The following PLAG1 variants were observed in gnomAD, a reference collection of about 807,000 sequenced individuals.
PLAG1 encodes the protein PLAG1 zinc finger.
PLAG1 carries 7 observed loss-of-function variants against 35.5 expected under a neutral mutation model. That is an observed-to-expected ratio of 0.20 (90% CI 0.11 to 0.37). The LOEUF (loss-of-function observed/expected upper bound fraction) is 0.37. Among genes scored for constraint, PLAG1 ranks in the 10% least tolerant of loss-of-function variants. The pLI is 1.00. For missense variants in PLAG1, 454 were observed against 602.8 expected, an observed-to-expected ratio of 0.75 and a Z score of 2.58; for synonymous variants, 229 against 225.4, an observed-to-expected ratio of 1.02 and a Z score of -0.14.
At chr8:56,179,012 C>T (rs1811788951) in intron 2 of PLAG1, among the ~76,000 whole-genome samples, 1 of 137,138 alleles carries the variant, frequency 7.3e-6, no homozygotes, top group African/African-American at 2.8e-5. Context: ...AATAGGATCC[C>T]GCCCAGGAGA....
At chr8:56,176,046 CTT>C (rs1309523141) in intron 2 of PLAG1, among the ~76,000 whole-genome samples, 16 of 130,056 alleles carry the variant, frequency 1.2e-4, no homozygotes, top group Admixed American at 2.3e-4. Context: ...TTTTCCTTTT[CTT>C]TTTTTTTTTT....
intron 3 of PLAG1, among the ~76,000 whole-genome samples, chr8:56,169,862 G>T (rs1811467986): frequency 6.6e-6 from 1 of 152,150 alleles, no homozygotes; most frequent in Admixed American, 6.5e-5. Context: ...ACTTTTAAGA[G>T]ACCATAGAAA....
At position 56,163,305 on chromosome 8, in the gene PLAG1, T is replaced by C. The variant is rs1272305963; in HGVS notation, c.*2938A>G. On this transcript the variant is annotated 3_prime_UTR_variant, in exon 5 of 5. Coordinates refer to ENST00000316981, the MANE Select transcript of PLAG1 (RefSeq NM_002655.3). Reference sequence around the variant, plus strand: ...TGGCCACTAGAGAATGAAAACAGCATTGGCAATACTTATTTTTAATCATAT... The same window carrying C: ...TGGCCACTAGAGAATGAAAACAGCACTGGCAATACTTATTTTTAATCATAT... The C allele has an allele frequency of 1.1e-5, 2 of 180,468 alleles. No homozygotes were observed. The highest frequency in any genetic ancestry group is 5.0e-5 in the African/African-American group (2 of 40,220). The allele number at this position is 180,468 out of a possible 1,614,324, so 11.2% of individuals were successfully genotyped here. A position where few individuals can be genotyped will look rare whatever the true frequency, so the allele number is the denominator to read the frequency against.
rs1376874760 is a variant in PLAG1, at chr8:56,167,779, CTTG to C, written c.242+246_242+248del. On this transcript the variant is annotated intron_variant, in intron 4 of 4. Coordinates refer to ENST00000316981, the MANE Select transcript of PLAG1 (RefSeq NM_002655.3). This position sits in a 1 kb window ranked among gnomAD's most constrained non-coding sequence, Gnocchi z 5.9. ...CTCACGTAAACGTCCTTACCCTTTT[CTTG>C]TTGTAATTTCTTTCTACAAATGGAA... Among the ~76,000 whole-genome samples the C allele has an allele frequency of 2.0e-5, 3 of 152,174 alleles. No individual in the cohort carries two copies. The highest frequency in any genetic ancestry group is 4.4e-5 in the Non-Finnish European group (3 of 68,022).
chr8:56,209,331 A>ATGTGT (rs1328024531), intron 1 of PLAG1: 2 of 152,250 alleles, frequency 1.3e-5, no homozygotes, highest in Non-Finnish European at 2.9e-5. Flanking sequence ...TTTGGATACA[A>ATGTGT]ACTATACACA....
chr8:56,171,127 T>C lies in PLAG1; in HGVS notation c.-154A>G, dbSNP rs1477713928. On this transcript the variant is annotated 5_prime_UTR_variant, in exon 3 of 5. The change abolishes the stop of an existing upstream ORF in the 5' untranslated region. Transcript: ENST00000316981. ...TGGAAAAAGCCTCAGACTTTGATCT[T>C]AGCCAGTCCCATTGACTCTTCGTGG... 6 of 981,806 alleles carry C rather than the reference T, an allele frequency of 6.1e-6. No homozygotes were observed. The highest frequency in any genetic ancestry group is 7.3e-6 in the Non-Finnish European group (6 of 826,270). The allele number at this position is 981,806 out of a possible 1,614,324, so 60.8% of individuals were successfully genotyped here.
At chr8:56,177,682 A>G (rs1563379138) in intron 2 of PLAG1, among the ~76,000 whole-genome samples, 1 of 152,194 alleles carries the variant, frequency 6.6e-6, no homozygotes, top group African/African-American at 2.4e-5. Flanking sequence ...CAGACATTTG[A>G]TAGACATTTG....
intron 1 of PLAG1, among the ~76,000 whole-genome samples, chr8:56,193,728 C>A (rs567513036): frequency 1.2e-4 from 17 of 140,228 alleles, no homozygotes; most frequent in African/African-American, 4.6e-4. Context: ...GACGGAGTCT[C>A]ACTCTGTCGC....
chr8:56,169,958 G>T (rs1300935246), intron 3 of PLAG1, among the ~76,000 whole-genome samples: 1 of 152,322 alleles, frequency 6.6e-6, no homozygotes, highest in Middle Eastern at 3.4e-3. Context: ...GCTGTCCCAA[G>T]CTACTACCAA....
chr8:56,200,108 G>A (rs1455577299), intron 1 of PLAG1, among the ~76,000 whole-genome samples: 7 of 152,058 alleles, frequency 4.6e-5, no homozygotes, highest in African/African-American at 1.7e-4. Flanking sequence ...AGAAGAATGG[G>A]GCACGTGCTG....
At chr8:56,199,175 G>C (rs1441643611) in intron 1 of PLAG1, among the ~76,000 whole-genome samples, 1 of 152,128 alleles carries the variant, frequency 6.6e-6, no homozygotes, top group African/African-American at 2.4e-5. Flanking sequence ...CTGGTGGTTG[G>C]GGGGACAGGT....
chr8:56,175,545 CTAAAGT>C (rs1383428400), intron 2 of PLAG1, among the ~76,000 whole-genome samples: 1 of 152,162 alleles, frequency 6.6e-6, no homozygotes, highest in Non-Finnish European at 1.5e-5. Context: ...TCATAGTTAA[CTAAAGT>C]TAATCAAAAA....
At chr8:56,199,734 C>A (rs186291153) in intron 1 of PLAG1, among the ~76,000 whole-genome samples, 3 of 152,184 alleles carry the variant, frequency 2.0e-5, no homozygotes, top group East Asian at 1.9e-4. Context: ...CACCACCCCC[C>A]CCGATCCTCC....
chr8:56,171,901 T>C (rs1339251748), intron 2 of PLAG1, among the ~76,000 whole-genome samples: 3 of 152,216 alleles, frequency 2.0e-5, no homozygotes, highest in African/African-American at 7.2e-5. Flanking sequence ...ATCAGTAGTA[T>C]GATCATTAGT....
intron 1 of PLAG1, among the ~76,000 whole-genome samples, chr8:56,206,330 A>T (rs1159845706): frequency 6.6e-6 from 1 of 152,064 alleles, no homozygotes; most frequent in Non-Finnish European, 1.5e-5. Context: ...TACATTTCTT[A>T]CAACTTCAAA....
At chr8:56,176,044 T>C (rs1031168151) in intron 2 of PLAG1, among the ~76,000 whole-genome samples, 1 of 142,884 alleles carries the variant, frequency 7.0e-6, no homozygotes, top group African/African-American at 2.7e-5. Context: ...CCTTTTCCTT[T>C]TCTTTTTTTT....
rs965385905 is a variant in PLAG1, at chr8:56,179,453, A to G, written c.-261T>C. ...TCTAGCAAGGCAACCTTATTAATAG[A>G]CCGTCACAGAATGAAGCATTCTGGG... On this transcript the variant is annotated 5_prime_UTR_variant, in exon 2 of 5. Transcript: ENST00000316981. The G allele has an allele frequency of 2.0e-6, 2 of 978,192 alleles. No homozygotes were observed. The highest frequency in any genetic ancestry group is 2.4e-6 in the Non-Finnish European group (2 of 823,046). The allele number at this position is 978,192 out of a possible 1,614,324, so 60.6% of individuals were successfully genotyped here. A position where few individuals can be genotyped will look rare whatever the true frequency, so the allele number is the denominator to read the frequency against.
At chr8:56,198,818 C>T (rs1162974112) in intron 1 of PLAG1, among the ~76,000 whole-genome samples, 1 of 152,230 alleles carries the variant, frequency 6.6e-6, no homozygotes, top group Non-Finnish European at 1.5e-5. Flanking sequence ...TTCCTTCATG[C>T]TGCCTACTGC....
In PLAG1 at chr8:56,175,724, TTGAGAAG is replaced by T. The variant is rs1315646238; in HGVS notation, c.-217+3678_-217+3684del. Among the ~76,000 whole-genome samples, 5 of 152,268 alleles carry T rather than the reference TTGAGAAG, an allele frequency of 3.3e-5. No homozygotes were observed. In the East Asian group the frequency reaches 7.7e-4, roughly 24 times the overall value. ...TTAGTATACAGATAATAAAAACTAA[TTGAGAAG>T]TGAGAAGTGAGGGGAAAAATGGCAT... is the stretch of plus-strand genomic sequence containing the variant. On this transcript the variant is annotated intron_variant, in intron 2 of 4. Coordinates refer to ENST00000316981, the MANE Select transcript of PLAG1 (RefSeq NM_002655.3).
Sources: gnomAD v4.1 joint callset for allele counts (sites outside exome capture counted in the v4.1 genomes callset) on GRCh38, gnomAD v4.1.1 for gene constraint, Gnocchi (gnomAD v3.1) non-coding constraint, MANE v1.5 for transcripts, NCBI Gene and HGNC (gene_info 2026-07-23, HGNC 2026-07-21) for gene names.